The following SLC35F3 variants were observed in gnomAD, a reference collection of about 807,000 sequenced individuals.
SLC35F3 encodes solute carrier family 35 member F3.
In SLC35F3, 25 loss-of-function variants were observed where a neutral mutation model predicts 49.9. That is an observed-to-expected ratio of 0.50 (90% CI 0.37 to 0.70). SLC35F3 has a LOEUF of 0.70. SLC35F3 is among the 30% of genes least tolerant of loss of function. SLC35F3 has a pLI of 0.00. For synonymous variants in SLC35F3, 275 were observed against 265.4 expected, an observed-to-expected ratio of 1.04 and a Z score of -0.35; for missense variants, 525 against 639.8, an observed-to-expected ratio of 0.82 and a Z score of 1.94.
At chr1:234,006,058 G>A (rs1457833130) in intron 2 of SLC35F3, among the ~76,000 whole-genome samples, 1 of 152,152 alleles carries the variant, frequency 6.6e-6, no homozygotes, top group Admixed American at 6.5e-5. Flanking sequence ...TACTTCAGAA[G>A]AAACAGAATT....
intron 2 of SLC35F3, among the ~76,000 whole-genome samples, chr1:234,229,813 G>T (rs1396273573): frequency 1.3e-5 from 2 of 152,164 alleles, no homozygotes; most frequent in Admixed American, 6.5e-5. Flanking sequence ...ATTGAAATGT[G>T]CATGCTTCTG....
chr1:234,206,736 C>G (rs1248070054), intron 2 of SLC35F3, among the ~76,000 whole-genome samples: 1 of 152,158 alleles, frequency 6.6e-6, no homozygotes, highest in Non-Finnish European at 1.5e-5. Flanking sequence ...TGATGGCTGC[C>G]TTCGGAGAGA....
intron 2 of SLC35F3, among the ~76,000 whole-genome samples, chr1:233,910,617 C>G (rs1271049505): frequency 6.6e-6 from 1 of 152,182 alleles, no homozygotes; most frequent in East Asian, 1.9e-4. Flanking sequence ...GGATGTTTCC[C>G]TTTCCGAAAG....
intron 2 of SLC35F3, among the ~76,000 whole-genome samples, chr1:233,955,097 G>A (rs1448952489): frequency 6.6e-6 from 1 of 152,010 alleles, no homozygotes; most frequent in Non-Finnish European, 1.5e-5. Context: ...ACCTGCCTCA[G>A]CCTCCCTAAG....
chr1:234,034,667 C>T (rs1192601104), intron 2 of SLC35F3, among the ~76,000 whole-genome samples: 3 of 152,052 alleles, frequency 2.0e-5, no homozygotes, highest in East Asian at 1.9e-4. Flanking sequence ...ATTATAGGCA[C>T]GTGCCACCAC....
chr1:233,936,962 G>T (rs1051956654), intron 2 of SLC35F3, among the ~76,000 whole-genome samples: 2 of 152,196 alleles, frequency 1.3e-5, no homozygotes, highest in Non-Finnish European at 2.9e-5. Context: ...AAAGTGTTGA[G>T]ATTACAGGCG....
intron 3 of SLC35F3, among the ~76,000 whole-genome samples, chr1:234,282,155 AG>A (rs1668338624): frequency 6.6e-6 from 1 of 152,170 alleles, no homozygotes; most frequent in Non-Finnish European, 1.5e-5. Context: ...GGAAAGAAAT[AG>A]CCATAATCCT....
At position 234,309,275 on chromosome 1, in the gene SLC35F3, C is replaced by G. The variant is rs1657290673; in HGVS notation, c.783C>G (p.Phe261Leu). Residue 261 changes from phenylalanine to leucine, a missense_variant, in exon 4 of 8, where the codon TTC (phenylalanine) becomes TTG (leucine). Transcript: ENST00000366618. ...TCTGCTGCAACAAAGCTTTTGTGTT[C>G]TTGCTCTCATGGATCGTTCTCAGGG... Reference protein sequence around the residue: ...VLFCCNKAFVFLLSWIVLRDR... With the variant: ...VLFCCNKAFVLLLSWIVLRDR... 5 of 1,614,222 alleles carry G rather than the reference C, an allele frequency of 3.1e-6. No individual in the cohort carries two copies. Among genetic ancestry groups the G allele is most frequent in the Non-Finnish European group, 4.2e-6 (5 of 1,180,034 alleles).
chr1:234,176,412 G>A (rs1177394555), intron 2 of SLC35F3, among the ~76,000 whole-genome samples: 1 of 152,228 alleles, frequency 6.6e-6, no homozygotes, highest in Non-Finnish European at 1.5e-5. Flanking sequence ...ATGCGATGCT[G>A]TGAAGGGACT....
chr1:234,149,199 T>C (rs983863342), intron 2 of SLC35F3, among the ~76,000 whole-genome samples: 1 of 152,024 alleles, frequency 6.6e-6, no homozygotes, highest in African/African-American at 2.4e-5. Flanking sequence ...GCTGTTTGAG[T>C]GAAGATGGAA....
At chr1:234,266,737 C>T (rs1424417687) in intron 3 of SLC35F3, among the ~76,000 whole-genome samples, 1 of 152,078 alleles carries the variant, frequency 6.6e-6, no homozygotes, top group Non-Finnish European at 1.5e-5. Flanking sequence ...ACAACTGTAA[C>T]ACAATGGTAA....
At chr1:233,923,835 TGA>T (rs763395951) in intron 2 of SLC35F3, among the ~76,000 whole-genome samples, 1 of 152,184 alleles carries the variant, frequency 6.6e-6, no homozygotes, top group Non-Finnish European at 1.5e-5. Flanking sequence ...ACCTAGTTTA[TGA>T]GAGTTTTTAG....
At chr1:234,295,629 T>TA (rs1668580303) in intron 3 of SLC35F3, among the ~76,000 whole-genome samples, 1 of 152,218 alleles carries the variant, frequency 6.6e-6, no homozygotes, top group Non-Finnish European at 1.5e-5. Context: ...GGTGTGGGGG[T>TA]ACAAAAGCAA....
chr1:234,116,753 A>T (rs1665494223), intron 2 of SLC35F3, among the ~76,000 whole-genome samples: 1 of 152,110 alleles, frequency 6.6e-6, no homozygotes, highest in Non-Finnish European at 1.5e-5. Context: ...ACCTCAAGTG[A>T]TCCACCCGCC....
intron 2 of SLC35F3, among the ~76,000 whole-genome samples, chr1:234,032,380 T>A (rs1664077242): frequency 6.6e-6 from 1 of 152,006 alleles, no homozygotes; most frequent in South Asian, 2.1e-4. Flanking sequence ...TAAAAAAAAA[T>A]TCAATAGGTT....
intron 2 of SLC35F3, among the ~76,000 whole-genome samples, chr1:234,152,556 CTCA>C (rs1269176231): frequency 6.6e-6 from 1 of 152,128 alleles, no homozygotes; most frequent in East Asian, 1.9e-4. Context: ...AGGACATGAA[CTCA>C]TCCTTTTTTA....
At chr1:234,030,876 GC>G (rs1664052175) in intron 2 of SLC35F3, among the ~76,000 whole-genome samples, 1 of 152,286 alleles carries the variant, frequency 6.6e-6, no homozygotes, top group Admixed American at 6.5e-5. Flanking sequence ...AATCGACATT[GC>G]TTGTGAAGTC....
At chr1:234,242,875 A>T (rs1176654834) in intron 3 of SLC35F3, among the ~76,000 whole-genome samples, 1 of 152,230 alleles carries the variant, frequency 6.6e-6, no homozygotes, top group African/African-American at 2.4e-5. Context: ...GCAGGAACAC[A>T]TCATTAGAAA....
At chr1:233,995,733 G>A (rs557462978) in intron 2 of SLC35F3, among the ~76,000 whole-genome samples, 1 of 152,180 alleles carries the variant, frequency 6.6e-6, no homozygotes, top group Admixed American at 6.5e-5. Context: ...CATGCATCTG[G>A]GCACCCCATT....
Sources: allele counts gnomAD v4.1 joint callset (sites outside exome capture counted in the v4.1 genomes callset), GRCh38; gene constraint gnomAD v4.1.1; transcripts MANE v1.5; gene names NCBI Gene and HGNC (gene_info 2026-07-23, HGNC 2026-07-21).